Variants in ERBIN observed in about 807,000 individuals in gnomAD.
ERBIN encodes the protein erbb2 interacting protein, also known as densin-180-like protein.
ERBIN carries 60 observed loss-of-function variants against 158.4 expected under a neutral mutation model. The ratio of observed to expected loss-of-function variants is 0.38; its 90% CI spans 0.31 to 0.47. ERBIN has a LOEUF of 0.47. Among genes scored for constraint, ERBIN ranks in the 20% least tolerant of loss-of-function variants. ERBIN has a pLI of 0.99. For missense variants in ERBIN, 1,610 were observed against 1,648.0 expected (o/e 0.98, Z 0.40); for synonymous variants, 594 against 557.2 (o/e 1.07, Z -0.93).
chr5:65,935,717 T>C (rs1399212248), intron 1 of ERBIN, among the ~76,000 whole-genome samples: 2 of 152,106 alleles, frequency 1.3e-5, no homozygotes. Flanking sequence ...TTGATGCAGT[T>C]GTGTTTTTCT....
At chr5:66,036,577 C>A (rs919498510) in intron 14 of ERBIN, among the ~76,000 whole-genome samples, 11 of 152,166 alleles carry the variant, frequency 7.2e-5, no homozygotes, top group Non-Finnish European at 1.3e-4. Flanking sequence ...TGTACCCTGT[C>A]TACCCTGTAA....
chr5:66,063,308 C>T (rs972449703), intron 21 of ERBIN, among the ~76,000 whole-genome samples: 7 of 152,134 alleles, frequency 4.6e-5, no homozygotes, highest in South Asian at 2.1e-4. Flanking sequence ...TAGCAATGAG[C>T]GAGGCTCCAT....
chr5:66,005,651 C>T (rs188949997), intron 4 of ERBIN, among the ~76,000 whole-genome samples: 8 of 152,266 alleles, frequency 5.3e-5, no homozygotes, highest in Admixed American at 4.6e-4. Context: ...TGGAAGACCC[C>T]ATCGTCTCAG....
chr5:66,042,129 G>T (rs754675692), intron 15 of ERBIN, among the ~76,000 whole-genome samples: 9 of 151,904 alleles, frequency 5.9e-5, no homozygotes, highest in Non-Finnish European at 1.2e-4. Flanking sequence ...AGAAATATTC[G>T]AATTGACCAT....
chr5:65,968,852 C>T (rs926402390), intron 1 of ERBIN, among the ~76,000 whole-genome samples: 3 of 152,142 alleles, frequency 2.0e-5, no homozygotes, highest in East Asian at 1.9e-4. Context: ...TGAGCCACTG[C>T]GCCTGGCCTA....
chr5:65,972,048 GATTTGTGGTAACCTTTTCTCAGAGAA>G (rs1749308391), intron 1 of ERBIN, among the ~76,000 whole-genome samples: 1 of 152,078 alleles, frequency 6.6e-6, no homozygotes, highest in African/African-American at 2.4e-5. Context: ...GTGCTTTATG[GATTTGTGGTAACCTTTTCTCAGAGAA>G]AGGAGGAGTC....
chr5:65,970,217 A>T (rs986032951), intron 1 of ERBIN, among the ~76,000 whole-genome samples: 3 of 152,194 alleles, frequency 2.0e-5, no homozygotes, highest in Non-Finnish European at 4.4e-5. Context: ...TATAAGTCAT[A>T]CTACTGGCTA....
chr5:66,017,908 T>C (rs1157155701), intron 7 of ERBIN, among the ~76,000 whole-genome samples: 3 of 152,170 alleles, frequency 2.0e-5, no homozygotes, highest in Non-Finnish European at 4.4e-5. Flanking sequence ...CATATAGTTA[T>C]CAAGTTTCCC....
At chr5:65,936,908 C>T (rs1194953499) in intron 1 of ERBIN, among the ~76,000 whole-genome samples, 2 of 152,110 alleles carry the variant, frequency 1.3e-5, no homozygotes, top group Non-Finnish European at 2.9e-5. Context: ...GTACTTCCAT[C>T]AATGGTATAT....
intron 21 of ERBIN, among the ~76,000 whole-genome samples, chr5:66,069,805 T>A (rs1055775960): frequency 6.6e-6 from 1 of 152,174 alleles, no homozygotes; most frequent in African/African-American, 2.4e-5. Context: ...TGTGAAGTAT[T>A]TGCTTACTTC....
intron 7 of ERBIN, among the ~76,000 whole-genome samples, chr5:66,016,631 TGAGACG>T (rs1381848533): frequency 1.6e-5 from 2 of 125,232 alleles, no homozygotes; most frequent in Non-Finnish European, 3.6e-5. Context: ...TTTTTTTTTT[TGAGACG>T]GAGTCTCTCT....
At chr5:66,063,255 C>A (rs990801699) in intron 21 of ERBIN, among the ~76,000 whole-genome samples, 1 of 152,230 alleles carries the variant, frequency 6.6e-6, no homozygotes, top group Non-Finnish European at 1.5e-5. Flanking sequence ...GCCCCTCCCC[C>A]AGCCTCGCTG....
chr5:66,057,739 C>T (rs1279323671), intron 21 of ERBIN, among the ~76,000 whole-genome samples: 1 of 129,832 alleles, frequency 7.7e-6, no homozygotes, highest in African/African-American at 2.9e-5. Context: ...GTGTGATGTT[C>T]CCCTTCCTGT....
intron 7 of ERBIN, among the ~76,000 whole-genome samples, chr5:66,015,622 A>G (rs1486598103): frequency 6.6e-6 from 1 of 152,110 alleles, no homozygotes; most frequent in Admixed American, 6.6e-5. Context: ...AAATCGCATC[A>G]TCAAGATTTG....
intron 1 of ERBIN, among the ~76,000 whole-genome samples, chr5:65,981,880 A>T (rs1161847395): frequency 2.0e-5 from 3 of 152,216 alleles, no homozygotes; most frequent in Non-Finnish European, 4.4e-5. Context: ...AACAAAACTT[A>T]TGCTGCATTG....
intron 1 of ERBIN, among the ~76,000 whole-genome samples, chr5:65,928,875 A>G (rs1306725426): frequency 4.6e-5 from 7 of 152,232 alleles, no homozygotes; most frequent in African/African-American, 1.7e-4. Context: ...GTCATCCGTT[A>G]AAATATTTTT....
At position 66,079,763 on chromosome 5, in the gene ERBIN, C is replaced by A. The variant is rs1047131046; in HGVS notation, c.*1233C>A. Reference sequence around the variant, plus strand: ...AACATTAAATGTGAACTCAACACTTCCAGAGTCTTTAAAGGGTTTCTATGT... The same window carrying A: ...AACATTAAATGTGAACTCAACACTTACAGAGTCTTTAAAGGGTTTCTATGT... On this transcript the variant is annotated 3_prime_UTR_variant, in exon 26 of 26. Transcript: ENST00000284037. 2 of 152,530 alleles carry A rather than the reference C, an allele frequency of 1.3e-5. No homozygotes were observed. Among genetic ancestry groups the A allele is most frequent in the African/African-American group, 4.8e-5 (2 of 41,438 alleles). The allele number at this position is 152,530 out of a possible 1,614,324, so 9.4% of individuals were successfully genotyped here.
intron 21 of ERBIN, 72 bp from the exon 22 acceptor site, chr5:66,072,097 C>G: frequency 6.8e-7 from 1 of 1,481,244 alleles, no homozygotes; most frequent in South Asian, 1.3e-5. Context: ...CTAATCTTCT[C>G]TCAAGTGTCA....
At chr5:66,032,639 A>G (rs926049453) in intron 14 of ERBIN, among the ~76,000 whole-genome samples, 2 of 152,188 alleles carry the variant, frequency 1.3e-5, no homozygotes, top group East Asian at 1.9e-4. Context: ...TTTTGGCTGC[A>G]TGGTGGAAGA....
Sources: gnomAD v4.1 joint callset for allele counts (sites outside exome capture counted in the v4.1 genomes callset) on GRCh38, gnomAD v4.1.1 for gene constraint, MANE v1.5 for transcripts, NCBI Gene and HGNC (gene_info 2026-07-23, HGNC 2026-07-21) for gene names.